Variants in SDK1 observed in about 807,000 individuals in gnomAD.
SDK1 encodes the protein sidekick cell adhesion molecule 1.
In SDK1, 157 loss-of-function variants were observed where a neutral mutation model predicts 245.5. That is an observed-to-expected ratio of 0.64 (90% confidence interval 0.56 to 0.73). The LOEUF (loss-of-function observed/expected upper bound fraction) is 0.73, where lower values mean the gene tolerates loss of function less well. Among genes scored for constraint, SDK1 ranks in the 30% least tolerant of loss-of-function variants. The pLI, the probability that SDK1 is intolerant of heterozygous loss-of-function variation, is 0.00. For missense variants in SDK1, 3,583 were observed against 3,002.3 expected (o/e 1.19, Z -4.52); for synonymous variants, 1,647 against 1,278.5 (o/e 1.29, Z -6.15).
intron 4 of SDK1, among the ~76,000 whole-genome samples, chr7:3,689,554 G>T (rs569748144): frequency 6.6e-6 from 1 of 152,232 alleles, no homozygotes; most frequent in East Asian, 1.9e-4. Context: ...TTTTAAAAAG[G>T]ACTTTTAAAA....
chr7:3,812,217 C>G (rs1478264952), intron 4 of SDK1, among the ~76,000 whole-genome samples: 1 of 150,382 alleles, frequency 6.6e-6, no homozygotes. Flanking sequence ...TGTGCAAGCT[C>G]AGAAAGGAAT....
intron 19 of SDK1, among the ~76,000 whole-genome samples, chr7:4,057,150 G>T (rs1241252064): frequency 6.6e-6 from 1 of 152,206 alleles, no homozygotes; most frequent in Non-Finnish European, 1.5e-5. Flanking sequence ...GCCATTGCCA[G>T]CCCTACCAAG....
chr7:3,599,908 A>G (rs1365466436), intron 1 of SDK1, among the ~76,000 whole-genome samples: 2 of 152,206 alleles, frequency 1.3e-5, no homozygotes, highest in Non-Finnish European at 2.9e-5. Flanking sequence ...TGTTTTAGAT[A>G]TTCTACTTCC....
At chr7:4,019,732 G>C (rs1320925496) in intron 17 of SDK1, among the ~76,000 whole-genome samples, 8 of 152,008 alleles carry the variant, frequency 5.3e-5, no homozygotes, top group Non-Finnish European at 7.4e-5. Flanking sequence ...TGACATTGGG[G>C]GTTGGTATAC....
chr7:3,723,979 A>AGAGAG (rs1778930118), intron 4 of SDK1, among the ~76,000 whole-genome samples: 1 of 110,460 alleles, frequency 9.1e-6, no homozygotes, highest in East Asian at 2.8e-4. Context: ...GAGAGAGAGA[A>AGAGAG]AGAGAGAGAG....
At chr7:3,968,136 A>T (rs548269420) in intron 10 of SDK1, among the ~76,000 whole-genome samples, 1 of 152,208 alleles carries the variant, frequency 6.6e-6, no homozygotes, top group Non-Finnish European at 1.5e-5. Context: ...TCCTTGTGAC[A>T]TTCAGAATTA....
chr7:4,031,884 G>A (rs1185576469), intron 17 of SDK1, among the ~76,000 whole-genome samples: 9 of 152,054 alleles, frequency 5.9e-5, no homozygotes, highest in Non-Finnish European at 1.3e-4. Flanking sequence ...AAAATTAGCC[G>A]GGCATGGTGG....
intron 2 of SDK1, among the ~76,000 whole-genome samples, chr7:3,634,820 C>G (rs1014173636): frequency 6.6e-6 from 1 of 152,134 alleles, no homozygotes; most frequent in Non-Finnish European, 1.5e-5. Context: ...TCAATTTTGT[C>G]TCTATTTCTG....
At chr7:3,464,218 C>T (rs1050861244) in intron 1 of SDK1, among the ~76,000 whole-genome samples, 1 of 151,996 alleles carries the variant, frequency 6.6e-6, no homozygotes, top group African/African-American at 2.4e-5. Context: ...ACTTTTTTTT[C>T]CCCTCTGTTG....
intron 4 of SDK1, among the ~76,000 whole-genome samples, chr7:3,672,759 T>TATATATACATATATATA (rs1554307103): frequency 0.013 from 667 of 50,350 alleles, 45 homozygotes; most frequent in African/African-American, 0.029. Context: ...ATATATAATT[T>TATATATACATATATATA]TATATATATA....
At chr7:3,502,222 GA>G (rs1175195661) in intron 1 of SDK1, among the ~76,000 whole-genome samples, 2 of 150,488 alleles carry the variant, frequency 1.3e-5, no homozygotes, top group Admixed American at 1.3e-4. Flanking sequence ...ATGTTTCAAA[GA>G]TTTTTTTTTA....
intron 2 of SDK1, among the ~76,000 whole-genome samples, chr7:3,636,717 G>C (rs1194825054): frequency 6.6e-6 from 1 of 152,194 alleles, no homozygotes; most frequent in Non-Finnish European, 1.5e-5. Context: ...AATATACTCA[G>C]AAGTGGGATT....
intron 28 of SDK1, among the ~76,000 whole-genome samples, chr7:4,135,564 A>G (rs1158072297): frequency 6.6e-6 from 1 of 152,230 alleles, no homozygotes; most frequent in African/African-American, 2.4e-5. Context: ...TCAACACTGC[A>G]TCACGGACAA....
At chr7:4,214,087 C>T (rs896035114) in intron 38 of SDK1, among the ~76,000 whole-genome samples, 1 of 152,168 alleles carries the variant, frequency 6.6e-6, no homozygotes, top group African/African-American at 2.4e-5. Context: ...AGATTGGGCT[C>T]AGAGCCACAA....
At chr7:3,580,769 C>T (rs376800881) in intron 1 of SDK1, among the ~76,000 whole-genome samples, 6 of 151,826 alleles carry the variant, frequency 4.0e-5, no homozygotes, top group East Asian at 1.9e-4. Context: ...GAGATTGAGA[C>T]GATCCTGGCT....
chr7:3,655,489 A>ATGTATGTATGTATGTATGTATG (rs1392944964), intron 4 of SDK1, among the ~76,000 whole-genome samples: 10 of 59,570 alleles, frequency 1.7e-4, no homozygotes, highest in African/African-American at 4.7e-4. Flanking sequence ...ATATATATAT[A>ATGTATGTATGTATGTATGTATG]TATATATATA....
chr7:3,857,922 A>G (rs1038601594), intron 5 of SDK1, among the ~76,000 whole-genome samples: 3 of 152,326 alleles, frequency 2.0e-5, no homozygotes, highest in Admixed American at 2.0e-4. Context: ...AATCTATAGA[A>G]CTTTAATGAC....
chr7:4,236,374 A>G (rs1786169490), intron 41 of SDK1, among the ~76,000 whole-genome samples: 2 of 152,198 alleles, frequency 1.3e-5, no homozygotes, highest in African/African-American at 2.4e-5. Flanking sequence ...AAGGAAGAAG[A>G]GCGTCCTTCA....
At chr7:3,364,965 A>T (rs1310467031) in intron 1 of SDK1, among the ~76,000 whole-genome samples, 1 of 152,222 alleles carries the variant, frequency 6.6e-6, no homozygotes, top group African/African-American at 2.4e-5. Context: ...TTTTCAGTAT[A>T]TGAGTCCTGT....
Sources: allele counts gnomAD v4.1 joint callset (sites outside exome capture counted in the v4.1 genomes callset), GRCh38; gene constraint gnomAD v4.1.1; transcripts MANE v1.5; gene names NCBI Gene and HGNC (gene_info 2026-07-23, HGNC 2026-07-21).